Variants in KYAT3 observed in about 807,000 individuals in gnomAD.
KYAT3 encodes the protein kynurenine--oxoglutarate transaminase 3.
A neutral mutation model predicts 59.0 loss-of-function variants in KYAT3; 50 were observed. The observed-to-expected ratio is 0.85, with a 90% CI of 0.68 to 1.07. The LOEUF is 1.07. Ranked by LOEUF, KYAT3 falls within the 50% of genes least tolerant of loss-of-function variation. The pLI, the probability that KYAT3 is intolerant of heterozygous loss-of-function variation, is 0.00. For missense variants in KYAT3, 497 were observed against 533.3 expected, an observed-to-expected ratio of 0.93 and a Z score of 0.67; for synonymous variants, 148 against 177.0, an observed-to-expected ratio of 0.84 and a Z score of 1.30.
At chr1:88,959,441 C>T (rs1676059050) in intron 8 of KYAT3, among the ~76,000 whole-genome samples, 1 of 151,734 alleles carries the variant, frequency 6.6e-6, no homozygotes, top group Non-Finnish European at 1.5e-5. Flanking sequence ...GGCATGGTGG[C>T]ATGCACCTGT....
chr1:88,958,364 G>C (rs1676004395), intron 8 of KYAT3, among the ~76,000 whole-genome samples: 1 of 150,264 alleles, frequency 6.7e-6, no homozygotes, highest in Admixed American at 6.7e-5. Flanking sequence ...CATCTTCACT[G>C]CTAGGTTATC....
Position 88,964,985 on chromosome 1 carries a change from G to A in KYAT3, c.304-7C>T. On this transcript the variant is annotated splice_region_variant and splice_polypyrimidine_tract_variant and intron_variant, in intron 4 of 13. Coordinates refer to ENST00000260508, the MANE Select transcript of KYAT3 (RefSeq NM_001008661.3). ...TCACAAGTGATGGATGGCCCTGTTG[G>A]ATTAAAAATAAGAACAAAACCTTGA... 6.3e-7 allele frequency: 1 copy of A among 1,589,858 alleles called. No individual in the cohort carries two copies. Among genetic ancestry groups the A allele is most frequent in the Non-Finnish European group, 8.5e-7 (1 of 1,174,398 alleles).
intron 2 of KYAT3, among the ~76,000 whole-genome samples, chr1:88,974,367 T>C (rs1244742328): frequency 6.6e-6 from 1 of 152,082 alleles, no homozygotes; most frequent in Non-Finnish European, 1.5e-5. Context: ...ACAACGTATG[T>C]TTTTGGTTGT....
intron 8 of KYAT3, among the ~76,000 whole-genome samples, chr1:88,960,099 A>AT (rs1676082771): frequency 1.3e-5 from 2 of 150,204 alleles, no homozygotes. Context: ...TACCTGGTTG[A>AT]TTTTTTGAAT....
At chr1:88,982,874 T>A in intron 2 of KYAT3, 1 of 1,613,966 alleles carries the variant, frequency 6.2e-7, no homozygotes. Context: ...ACCATATCCA[T>A]CACGTGAGCT....
rs1256890845 is a variant in KYAT3, at chr1:88,961,420, T to C, written c.627A>G (p.Lys209=). Residue 209 remains lysine (K), a synonymous_variant, in exon 7 of 14, where the codon AAA becomes AAG. Transcript: ENST00000260508. ...TATGTGGAGTATTTAGTATAATAGCTTTGGTTTTGGAATTAAATTTACTTT... is the reference window on the plus strand; with the variant it reads ...TATGTGGAGTATTTAGTATAATAGCCTTGGTTTTGGAATTAAATTTACTTT... ...ELESKFNSKT[K]AIILNTPHNP... is the part of the protein sequence containing the mutation. 6.2e-7 allele frequency: 1 copy of C among 1,613,968 alleles called. No homozygotes were observed. The highest frequency in any genetic ancestry group is 1.1e-5 in the South Asian group (1 of 91,086).
In KYAT3 at chr1:88,951,240, T is replaced by C. The variant is rs373656744; in HGVS notation, c.954+1823A>G. Among the ~76,000 whole-genome samples, 13 of 145,420 alleles carry C rather than the reference T, an allele frequency of 8.9e-5. No individual in the cohort carries two copies. The East Asian group carries it at 2.2e-3, about 25-fold the overall frequency. On this transcript the variant is annotated intron_variant, in intron 10 of 13. Transcript: ENST00000260508. ...CAACATCTTTTTTTTCTTTCTTTTC[T>C]TTTTTTTTTTTGAGACGAAGTCTTG...
intron 2 of KYAT3, 75 bp from the exon 3 acceptor site, chr1:88,969,542 C>T (rs2101056389): frequency 3.8e-6 from 3 of 782,934 alleles, no homozygotes; most frequent in East Asian, 5.0e-5. Context: ...GGTCACTCTT[C>T]TTCCTTTTCC....
the KYAT3 span, chr1:88,923,651 G>A: frequency 2.4e-4 from 44 of 185,146 alleles, 1 homozygote; most frequent in South Asian, 6.5e-4. Flanking sequence ...ATCAGAGACC[G>A]TAGAAGAGGA....
intron 8 of KYAT3, among the ~76,000 whole-genome samples, chr1:88,959,164 T>C (rs1486738900): frequency 6.6e-6 from 1 of 151,522 alleles, no homozygotes; most frequent in Non-Finnish European, 1.5e-5. Flanking sequence ...CTTGTAGTCA[T>C]AGCTATTTGG....
chr1:88,921,186 C>T, the KYAT3 span, among the ~76,000 whole-genome samples: 2 of 152,182 alleles, frequency 1.3e-5, no homozygotes, highest in Non-Finnish European at 2.9e-5. Flanking sequence ...CTCATGCTAG[C>T]TGTGGCATGA....
In KYAT3 at chr1:88,964,823, A is replaced by G. The variant is rs775600279; in HGVS notation, c.453+6T>C. 1.9e-6 allele frequency: 3 copies of G among 1,582,510 alleles called. No individual in the cohort carries two copies. The highest frequency in any genetic ancestry group is 3.7e-5 in the Admixed American group (2 of 53,598). On this transcript the variant is annotated splice_donor_region_variant and intron_variant, in intron 5 of 13. Transcript: ENST00000260508. ...ATGGGTATTACGATAATGTTAATATACTTACTTCATCTCCCTCATCAATTA... is the reference window on the plus strand; with the variant it reads ...ATGGGTATTACGATAATGTTAATATGCTTACTTCATCTCCCTCATCAATTA...
rs553092556 is a variant in KYAT3, at chr1:88,976,097, G to A, written c.100-6630C>T. Among the ~76,000 whole-genome samples, 7 of 151,882 alleles carry A rather than the reference G, an allele frequency of 4.6e-5. No individual in the cohort carries two copies. In the South Asian group the frequency reaches 8.3e-4, roughly 18 times the overall value. On this transcript the variant is annotated intron_variant, in intron 2 of 13. Transcript: ENST00000260508. ...CTTGCAGCCAGGTGCAGTGGCTCAC[G>A]CCTGTAATCCCAGCACTTTGGGAGG... is the stretch of plus-strand genomic sequence containing the variant.
downstream of KYAT3, among the ~76,000 whole-genome samples, chr1:88,932,483 G>A (rs746511441): frequency 2.9e-4 from 44 of 151,990 alleles, no homozygotes; most frequent in Admixed American, 7.9e-4. Flanking sequence ...ATACAATGCC[G>A]CAACAGACAT....
chr1:88,982,760 T>A, intron 2 of KYAT3: 1 of 1,613,918 alleles, frequency 6.2e-7, no homozygotes, highest in South Asian at 1.1e-5. Flanking sequence ...TGAAGAAGGG[T>A]ACCCCCTTTC....
At chr1:88,972,966 C>G (rs374568309) in intron 2 of KYAT3, among the ~76,000 whole-genome samples, 1 of 152,146 alleles carries the variant, frequency 6.6e-6, no homozygotes, top group Non-Finnish European at 1.5e-5. Context: ...CCAGTTCCTC[C>G]GGATGTAATC....
intron 13 of KYAT3, among the ~76,000 whole-genome samples, chr1:88,940,087 TGA>T (rs1675180779): frequency 6.6e-6 from 1 of 152,174 alleles, no homozygotes. Flanking sequence ...TTATATTTTT[TGA>T]GACAGAGTCT....
intron 2 of KYAT3, chr1:88,983,782 A>G (rs1172104057): frequency 6.2e-7 from 1 of 1,614,010 alleles, no homozygotes; most frequent in Admixed American, 1.7e-5. Context: ...TTTCCGTATT[A>G]AGCCCACCAA....
intron 2 of KYAT3, among the ~76,000 whole-genome samples, chr1:88,969,913 C>T (rs1676488342): frequency 6.6e-6 from 1 of 152,078 alleles, no homozygotes; most frequent in African/African-American, 2.4e-5. Context: ...CTACCTTGGC[C>T]TCTCAAAGTT....
Sources: allele counts gnomAD v4.1 joint callset (sites outside exome capture counted in the v4.1 genomes callset), GRCh38; gene constraint gnomAD v4.1.1; transcripts MANE v1.5; gene names NCBI Gene and HGNC (gene_info 2026-07-23, HGNC 2026-07-21).